The following NBEA variants were observed in gnomAD, a reference collection of about 807,000 sequenced individuals.
The protein encoded by NBEA is neurobeachin.
A neutral mutation model predicts 343.4 loss-of-function variants in NBEA; 44 were observed. That is an observed-to-expected ratio of 0.13 (90% CI 0.10 to 0.16). The LOEUF is 0.16. Among genes scored for constraint, NBEA ranks in the 10% least tolerant of loss-of-function variants. The pLI, the probability that NBEA is intolerant of heterozygous loss-of-function variation, is 1.00. For missense variants in NBEA, 2,555 were observed against 3,631.3 expected (o/e 0.70, Z 7.62); for synonymous variants, 1,175 against 1,238.7 (o/e 0.95, Z 1.08).
intron 10 of NBEA, 137 bp from the exon 11 acceptor site, chr13:35,098,160 G>T: frequency 1.7e-6 from 1 of 575,604 alleles, no homozygotes; most frequent in Non-Finnish European, 3.0e-6. Context: ...ATAATATAAG[G>T]CATAATAGTC....
intron 1 of NBEA, among the ~76,000 whole-genome samples, chr13:35,026,894 C>T (rs1479753255): frequency 2.0e-5 from 3 of 152,046 alleles, no homozygotes; most frequent in East Asian, 3.8e-4. Context: ...TATAGTCACA[C>T]CCATCCTCTT....
intron 41 of NBEA, among the ~76,000 whole-genome samples, chr13:35,550,137 G>C (rs2079246283): frequency 6.6e-6 from 1 of 152,158 alleles, no homozygotes. Flanking sequence ...AAGCAAGGAA[G>C]GGGAGAAAGG....
At position 34,987,353 on chromosome 13, in the gene NBEA, C is replaced by T. The variant is rs551396939; in HGVS notation, c.294+44239C>T. ...CTCTTCTGGCTTGTAGAGTTTCTGCCGAGAGATCTGCTGTTAGTCTGATGG... is the reference window on the plus strand; with the variant it reads ...CTCTTCTGGCTTGTAGAGTTTCTGCTGAGAGATCTGCTGTTAGTCTGATGG... On this transcript the variant is annotated intron_variant, in intron 1 of 58. Coordinates refer to ENST00000379939, the MANE Select transcript of NBEA (RefSeq NM_001385012.1). Among the ~76,000 whole-genome samples, 9 of 151,020 alleles carry T rather than the reference C, an allele frequency of 6.0e-5. 1 individual carries two copies. In the South Asian group the frequency reaches 6.3e-4, roughly 11 times the overall value.
intron 38 of NBEA, among the ~76,000 whole-genome samples, chr13:35,427,422 T>G (rs2152927898): frequency 6.6e-6 from 1 of 152,306 alleles, no homozygotes; most frequent in East Asian, 1.9e-4. Context: ...TGCCTGGGTA[T>G]CAGCAGCGGT....
chr13:34,971,682 C>G (rs1409575650), intron 1 of NBEA, among the ~76,000 whole-genome samples: 1 of 152,032 alleles, frequency 6.6e-6, no homozygotes, highest in Non-Finnish European at 1.5e-5. Context: ...TTGAGCCAAC[C>G]TTGTATCCTG....
At chr13:35,100,032 G>C (rs553002191) in intron 11 of NBEA, among the ~76,000 whole-genome samples, 20 of 152,140 alleles carry the variant, frequency 1.3e-4, no homozygotes, top group African/African-American at 4.8e-4. Context: ...TCTCAACTAA[G>C]GGATAAACAT....
intron 18 of NBEA, among the ~76,000 whole-genome samples, chr13:35,147,930 A>G (rs1470552802): frequency 6.6e-6 from 1 of 152,160 alleles, no homozygotes; most frequent in Non-Finnish European, 1.5e-5. Flanking sequence ...TGGTATTAAA[A>G]TTTAGGGTCC....
chr13:35,257,989 G>T (rs935281187), intron 34 of NBEA, among the ~76,000 whole-genome samples: 4 of 151,984 alleles, frequency 2.6e-5, no homozygotes, highest in East Asian at 1.9e-4. Flanking sequence ...TTTTACAAAA[G>T]ATTTTAATAT....
At chr13:35,228,302 G>C (rs1414641038) in intron 33 of NBEA, among the ~76,000 whole-genome samples, 1 of 151,074 alleles carries the variant, frequency 6.6e-6, no homozygotes, top group Non-Finnish European at 1.5e-5. Context: ...TTTTGAGTTG[G>C]TAATTTTGTT....
At chr13:35,179,576 T>C (rs2071165104) in intron 28 of NBEA, 1 of 155,036 alleles carries the variant, frequency 6.5e-6, no homozygotes, top group Non-Finnish European at 1.4e-5. Flanking sequence ...GCTAACTCTT[T>C]TCATGCCATA....
At chr13:35,331,194 A>G (rs1395640941) in intron 36 of NBEA, among the ~76,000 whole-genome samples, 1 of 152,058 alleles carries the variant, frequency 6.6e-6, no homozygotes, top group African/African-American at 2.4e-5. Flanking sequence ...CTTTTTAGTG[A>G]CACCAGAAAC....
intron 41 of NBEA, among the ~76,000 whole-genome samples, chr13:35,545,736 G>A (rs1594935629): frequency 6.6e-6 from 1 of 152,084 alleles, no homozygotes; most frequent in African/African-American, 2.4e-5. Context: ...TGGAGTCAAG[G>A]AATCCTTTCA....
chr13:35,387,389 CT>C (rs996062947), intron 38 of NBEA, among the ~76,000 whole-genome samples: 14 of 151,726 alleles, frequency 9.2e-5, no homozygotes, highest in African/African-American at 2.7e-4. Context: ...TTTTTTTTCC[CT>C]TTTTTTCTTT....
chr13:35,164,205 A>T (rs2069808303), intron 23 of NBEA, 151 bp from the exon 24 acceptor site: 1 of 640,996 alleles, frequency 1.6e-6, no homozygotes, highest in Admixed American at 3.6e-5. Context: ...TGGTAATATG[A>T]TATCTCAATT....
chr13:35,472,504 G>A lies in NBEA; in HGVS notation c.6553G>A (p.Asp2185Asn), dbSNP rs1029381316. ...TTEIYFEVDE[D>N]DSAFKKIDTK... ...AGAAATCTACTTCGAGGTAGATGAG[G>A]ATGATTCTGCCTTCAAGAAGATCGA... Residue 2185 changes from aspartate to asparagine, a missense_variant, in exon 41 of 59, where the codon GAT (aspartate) becomes AAT (asparagine). Around this residue, in one of 21 missense-constraint regions of NBEA, gnomAD observed 246 missense variants for 313.7 expected, o/e 0.78. Transcript: ENST00000379939. 1 of 1,613,822 alleles carries A rather than the reference G, an allele frequency of 6.2e-7. No individual in the cohort carries two copies. Among genetic ancestry groups the A allele is most frequent in the African/African-American group, 1.3e-5 (1 of 74,898 alleles).
At chr13:35,001,572 G>T (rs2061140952) in intron 1 of NBEA, among the ~76,000 whole-genome samples, 1 of 152,122 alleles carries the variant, frequency 6.6e-6, no homozygotes, top group Non-Finnish European at 1.5e-5. Context: ...GCTAGGTACA[G>T]AAAGATAAAT....
At chr13:35,661,602 C>A (rs2085093568) in intron 55 of NBEA, among the ~76,000 whole-genome samples, 2 of 152,124 alleles carry the variant, frequency 1.3e-5, no homozygotes, top group African/African-American at 4.8e-5. Flanking sequence ...GAACAGACCT[C>A]CACAGCACCT....
At chr13:35,592,472 A>G (rs4943307) in intron 46 of NBEA, among the ~76,000 whole-genome samples, 7,053 of 152,264 alleles carry the variant, frequency 0.046, 253 homozygotes, top group Admixed American at 0.099. Flanking sequence ...ACAGATTGCT[A>G]TTTGAGCATA....
At chr13:35,321,937 A>G (rs1325915987) in intron 36 of NBEA, among the ~76,000 whole-genome samples, 1 of 151,950 alleles carries the variant, frequency 6.6e-6, no homozygotes, top group East Asian at 1.9e-4. Flanking sequence ...AATGGTGGAC[A>G]CCCCTCCCTC....
Sources: gnomAD v4.1 joint callset for allele counts (sites outside exome capture counted in the v4.1 genomes callset) on GRCh38, gnomAD v4.1.1 for gene constraint, gnomAD v4.1.1 regional missense constraint, MANE v1.5 for transcripts, NCBI Gene and HGNC (gene_info 2026-07-23, HGNC 2026-07-21) for gene names.